Variants in PARD6B observed in about 807,000 individuals in gnomAD.
PARD6B encodes the protein par-6 family cell polarity regulator beta.
PARD6B carries 4 observed loss-of-function variants against 10.5 expected under a neutral mutation model. The ratio of observed to expected loss-of-function variants is 0.38; its 90% CI spans 0.19 to 0.87. The LOEUF (loss-of-function observed/expected upper bound fraction) is 0.87. Among genes scored for constraint, PARD6B ranks in the 40% least tolerant of loss-of-function variants. The probability of loss-of-function intolerance (pLI) is 0.41; values close to 1 mark genes in which losing one functional copy is unlikely to be tolerated. For missense variants in PARD6B, 396 were observed against 470.6 expected, an observed-to-expected ratio of 0.84 and a Z score of 1.47; for synonymous variants, 169 against 170.4, an observed-to-expected ratio of 0.99 and a Z score of 0.07.
At chr20:50,741,964 C>T (rs1268986326) in intron 2 of PARD6B, among the ~76,000 whole-genome samples, 4 of 152,180 alleles carry the variant, frequency 2.6e-5, no homozygotes, top group Non-Finnish European at 5.9e-5. Context: ...AGTATAGTTA[C>T]ATTTTACTGC....
intron 1 of PARD6B, among the ~76,000 whole-genome samples, chr20:50,737,457 G>A (rs2087505757): frequency 6.6e-6 from 1 of 152,152 alleles, no homozygotes; most frequent in Admixed American, 6.5e-5. Flanking sequence ...ACACTTAAAT[G>A]CTTTCCTTTG....
At chr20:50,746,337 G>C (rs541062847) in intron 2 of PARD6B, among the ~76,000 whole-genome samples, 1 of 152,340 alleles carries the variant, frequency 6.6e-6, no homozygotes, top group East Asian at 1.9e-4. Context: ...AGGCCTTCTA[G>C]GTGGATCCTT....
In PARD6B at chr20:50,752,587, T is replaced by C. The variant is rs1366426233; in HGVS notation, c.*2099T>C. 1 of 983,536 alleles carries C rather than the reference T, an allele frequency of 1.0e-6. No individual in the cohort carries two copies. Among genetic ancestry groups the C allele is most frequent in the Non-Finnish European group, 1.2e-6 (1 of 827,872 alleles). The allele number at this position is 983,536 out of a possible 1,614,324, so 60.9% of individuals were successfully genotyped here. ...TTGTATATAGAAACTAAAAATACTA[T>C]GAAGTACATAAGTTCCCTATGGCTT... On this transcript the variant is annotated 3_prime_UTR_variant, in exon 3 of 3. Coordinates refer to ENST00000371610, the MANE Select transcript of PARD6B (RefSeq NM_032521.3).
intron 1 of PARD6B, among the ~76,000 whole-genome samples, chr20:50,736,208 TTAGA>T (rs771452180): frequency 3.3e-5 from 5 of 152,172 alleles, no homozygotes; most frequent in Non-Finnish European, 5.9e-5. Context: ...CAGGTGAACT[TTAGA>T]TAGAGCAAAA....
chr20:50,752,559 T>C lies in PARD6B; in HGVS notation c.*2071T>C. On this transcript the variant is annotated 3_prime_UTR_variant, in exon 3 of 3. Coordinates refer to ENST00000371610, the MANE Select transcript of PARD6B (RefSeq NM_032521.3). ...TACAGTGTGCACAAGCACAATGGTA[T>C]GCTTGTATATAGAAACTAAAAATAC... 1 of 984,714 alleles carries C rather than the reference T, an allele frequency of 1.0e-6. No individual in the cohort carries two copies. The highest frequency in any genetic ancestry group is 1.2e-6 in the Non-Finnish European group (1 of 829,028). 61.0% of individuals were successfully genotyped at this position (984,714 alleles called of 1,614,324 possible).
chr20:50,731,667 G>A lies in PARD6B; in HGVS notation c.-120G>A. 1 of 766,682 alleles carries A rather than the reference G, an allele frequency of 1.3e-6. No homozygotes were observed. The highest frequency in any genetic ancestry group is 1.9e-6 in the Non-Finnish European group (1 of 533,344). The allele number at this position is 766,682 out of a possible 1,614,324, so 47.5% of individuals were successfully genotyped here. A position where few individuals can be genotyped will look rare whatever the true frequency, so the allele number is the denominator to read the frequency against. ...AGCTGCGGCCGCCCCCTCTGCAGGT[G>A]CCTGTGAGGAGGCGCCCGGGCCGCA... On this transcript the variant is annotated 5_prime_UTR_variant, in exon 1 of 3. Transcript: ENST00000371610.
At chr20:50,740,102 A>G (rs1406460986) in intron 2 of PARD6B, among the ~76,000 whole-genome samples, 1 of 152,248 alleles carries the variant, frequency 6.6e-6, no homozygotes, top group Non-Finnish European at 1.5e-5. Flanking sequence ...TCAGAAGATT[A>G]GAAATGGTAG....
chr20:50,737,778 T>G, intron 1 of PARD6B, 79 bp from the exon 2 acceptor site: 1 of 948,960 alleles, frequency 1.1e-6, no homozygotes, highest in Non-Finnish European at 1.5e-6. Context: ...CTCGTTAATT[T>G]TTCTATGGCA....
chr20:50,747,485 C>CTTTTTT (rs2087574374), intron 2 of PARD6B, among the ~76,000 whole-genome samples: 1 of 35,936 alleles, frequency 2.8e-5, no homozygotes. Flanking sequence ...TTTTTTCTTT[C>CTTTTTT]TTTCTTTTTT....
chr20:50,738,774 A>G (rs978070876), intron 2 of PARD6B, among the ~76,000 whole-genome samples: 1 of 152,154 alleles, frequency 6.6e-6, no homozygotes, highest in Admixed American at 6.6e-5. Flanking sequence ...GTCTTCCAAA[A>G]AAATTGAAAT....
At chr20:50,749,586 G>C (rs1218997605) in intron 2 of PARD6B, 73 bp from the exon 3 acceptor site, 4 of 1,280,452 alleles carry the variant, frequency 3.1e-6, no homozygotes, top group Non-Finnish European at 4.3e-6. Context: ...TATCCTTTCT[G>C]TACAGATTCA....
intron 1 of PARD6B, among the ~76,000 whole-genome samples, chr20:50,732,567 G>T (rs1191189927): frequency 6.6e-6 from 1 of 152,226 alleles, no homozygotes; most frequent in Admixed American, 6.5e-5. Flanking sequence ...GAGCAGGGTA[G>T]TCTGTAGGGA....
intron 2 of PARD6B, among the ~76,000 whole-genome samples, chr20:50,739,273 C>G (rs746636058): frequency 4.0e-4 from 61 of 151,864 alleles, no homozygotes; most frequent in Non-Finnish European, 2.9e-5. Context: ...ATGGTGAAAC[C>G]CCATCTCTAC....
At chr20:50,748,013 C>T (rs562579360) in intron 2 of PARD6B, among the ~76,000 whole-genome samples, 1 of 152,286 alleles carries the variant, frequency 6.6e-6, no homozygotes, top group African/African-American at 2.4e-5. Flanking sequence ...GTTAAAACTC[C>T]ACCTTTGCCT....
rs41283608 is a variant in PARD6B, at chr20:50,750,466, A to T, written c.1097A>T (p.Asp366Val). The T allele has an allele frequency of 1.2e-6, 2 of 1,613,562 alleles. No homozygotes were observed. Among genetic ancestry groups the T allele is most frequent in the Non-Finnish European group, 1.7e-6 (2 of 1,179,688 alleles). Residue 366 changes from aspartate (D) to valine (V), a missense_variant, in exon 3 of 3, where the codon GAT becomes GTT. Physicochemically the swap from Asp to Val is radical, Grantham distance 152. This residue lies in a region of PARD6B where 188 missense variants were observed against 169.7 expected (regional missense o/e 1.11). Coordinates refer to ENST00000371610, the MANE Select transcript of PARD6B (RefSeq NM_032521.3). Reference protein sequence around the residue: ...HAPDQKLLEEDGTIITL With the variant: ...HAPDQKLLEEVGTIITL ...CCAGATCAAAAACTCTTAGAAGAAGATGGAACAATCATAACATTATGAAAC... is the reference window on the plus strand; with the variant it reads ...CCAGATCAAAAACTCTTAGAAGAAGTTGGAACAATCATAACATTATGAAAC...
intron 2 of PARD6B, among the ~76,000 whole-genome samples, chr20:50,746,783 A>G (rs567422868): frequency 5.4e-4 from 83 of 152,336 alleles, no homozygotes; most frequent in Non-Finnish European, 1.0e-3. Context: ...GTAGGTATGT[A>G]GGCAACGTAA....
chr20:50,739,971 A>G (rs559998832), intron 2 of PARD6B, among the ~76,000 whole-genome samples: 5 of 43,060 alleles, frequency 1.2e-4, no homozygotes, highest in Non-Finnish European at 2.5e-4. Context: ...AGAGTCCAGC[A>G]GAGCATATCT....
Position 50,750,452 on chromosome 20 carries a change from ACT to A in PARD6B, c.1086_1087del (p.Leu363ArgfsTer30). The A allele has an allele frequency of 6.2e-7, 1 of 1,613,876 alleles. No homozygotes were observed. The highest frequency in any genetic ancestry group is 8.5e-7 in the Non-Finnish European group (1 of 1,179,902). ...EFETHAPDQK[L>X]LEEDGTIITL is the part of the protein sequence containing the mutation. ...TTGAAACACATGCTCCAGATCAAAA[ACT>A]CTTAGAAGAAGATGGAACAATCATA... On this transcript the variant is annotated frameshift_variant, in exon 3 of 3. Transcript: ENST00000371610. LOFTEE classifies it high-confidence loss of function.
rs1398945997 is a variant in PARD6B, at chr20:50,751,635, C to T, written c.*1147C>T. The T allele has an allele frequency of 2.3e-5, 23 of 985,006 alleles. No individual in the cohort carries two copies. In the African/African-American group the frequency reaches 3.0e-4, roughly 13 times the overall value. 61.0% of individuals were successfully genotyped at this position (985,006 alleles called of 1,614,324 possible). ...TGCTGGGATTACAGGCGTGAGCCAC[C>T]GCGCCCAGTTGTGCATTTCTGGTTT... On this transcript the variant is annotated 3_prime_UTR_variant, in exon 3 of 3. Coordinates refer to ENST00000371610, the MANE Select transcript of PARD6B (RefSeq NM_032521.3).
Sources: gnomAD v4.1 joint callset for allele counts (sites outside exome capture counted in the v4.1 genomes callset) on GRCh38, gnomAD v4.1.1 for gene constraint, gnomAD v4.1.1 regional missense constraint, MANE v1.5 for transcripts, NCBI Gene and HGNC (gene_info 2026-07-23, HGNC 2026-07-21) for gene names.